SOS2: variants seen among roughly 807,000 people sequenced by gnomAD.
SOS2 encodes SOS Ras/Rho guanine nucleotide exchange factor 2.
Under a neutral mutation model 148.2 loss-of-function variants are expected in SOS2, and 65 were observed. The observed-to-expected ratio is 0.44, with a 90% CI of 0.36 to 0.54. The LOEUF is 0.54. SOS2 is among the 20% of genes least tolerant of loss of function. SOS2 has a pLI of 0.00. For missense variants in SOS2, 1,341 were observed against 1,590.2 expected (o/e 0.84, Z 2.67); for synonymous variants, 539 against 537.1 (o/e 1.00, Z -0.05).
At chr14:50,193,831 G>T (rs976540017) in intron 4 of SOS2, among the ~76,000 whole-genome samples, 1 of 150,974 alleles carries the variant, frequency 6.6e-6, no homozygotes, top group African/African-American at 2.4e-5. Context: ...TGCAACCTCC[G>T]CCTCCCAGGT....
chr14:50,138,808 T>A (rs1239466341), intron 17 of SOS2, 24 bp from the exon 18 acceptor site: 3 of 753,226 alleles, frequency 4.0e-6, no homozygotes, highest in South Asian at 2.3e-5. Flanking sequence ...AAAAAGAATT[T>A]AAAGAAAAGT....
intron 8 of SOS2, among the ~76,000 whole-genome samples, chr14:50,169,074 G>A (rs1457083882): frequency 1.3e-5 from 2 of 152,114 alleles, no homozygotes. Context: ...CAGTTTGGGA[G>A]GCCAAGGCAG....
intron 12 of SOS2, among the ~76,000 whole-genome samples, chr14:50,155,725 A>C (rs1223791854): frequency 1.3e-5 from 2 of 152,208 alleles, no homozygotes; most frequent in Non-Finnish European, 2.9e-5. Context: ...TTATAAGTAC[A>C]GGACTGAGAA....
chr14:50,188,425 T>C, intron 5 of SOS2, 72 bp downstream of exon 5: 8 of 981,388 alleles, frequency 8.2e-6, no homozygotes, highest in Non-Finnish European at 1.2e-5. Flanking sequence ...TAAAAAAAAG[T>C]GACTATTTAT....
chr14:50,149,013 G>A (rs1212620878), intron 14 of SOS2, among the ~76,000 whole-genome samples: 2 of 152,206 alleles, frequency 1.3e-5, no homozygotes, highest in East Asian at 1.9e-4. Flanking sequence ...TCAGCCTCCT[G>A]GGCAACTGGG....
intron 8 of SOS2, among the ~76,000 whole-genome samples, chr14:50,169,141 G>A (rs980111913): frequency 9.4e-5 from 14 of 148,484 alleles, no homozygotes; most frequent in East Asian, 2.0e-4. Context: ...GTGAAACCCC[G>A]TCTCTACTAA....
intron 14 of SOS2, among the ~76,000 whole-genome samples, chr14:50,147,865 TAATCCCAGCACCTGGGAGGCCAAGGC>T (rs1884539571): frequency 6.6e-6 from 1 of 151,956 alleles, no homozygotes; most frequent in Non-Finnish European, 1.5e-5. Context: ...CTCACACCTG[TAATCCCAGCACCTGGGAGGCCAAGGC>T]AGGAGGACTG....
chr14:50,140,084 T>A, intron 16 of SOS2, 25 bp from the exon 17 acceptor site: 1 of 1,089,908 alleles, frequency 9.2e-7, no homozygotes, highest in Non-Finnish European at 1.4e-6. Flanking sequence ...AAATTGAGTA[T>A]AAATTTTTTA....
At chr14:50,149,922 T>A (rs1340183980) in intron 14 of SOS2, 86 bp downstream of exon 14, 2 of 962,624 alleles carry the variant, frequency 2.1e-6, no homozygotes, top group Non-Finnish European at 3.3e-6. Flanking sequence ...TTTTAAGCAC[T>A]CATGAATAAT....
At chr14:50,147,146 TG>T (rs1169549988) in intron 14 of SOS2, among the ~76,000 whole-genome samples, 2 of 151,396 alleles carry the variant, frequency 1.3e-5, no homozygotes, top group African/African-American at 4.9e-5. Context: ...CAATGAGCTA[TG>T]ATCATGCCAC....
chr14:50,133,552 T>C (rs1197334363), intron 19 of SOS2, among the ~76,000 whole-genome samples: 2 of 152,220 alleles, frequency 1.3e-5, no homozygotes, highest in Admixed American at 1.3e-4. Context: ...GAAGATGAGA[T>C]AGCATGAAAC....
chr14:50,124,129 T>A (rs1883611237), intron 21 of SOS2, among the ~76,000 whole-genome samples: 1 of 152,154 alleles, frequency 6.6e-6, no homozygotes, highest in Non-Finnish European at 1.5e-5. Context: ...GGTAATTAAA[T>A]ATATGAGTCT....
intron 5 of SOS2, among the ~76,000 whole-genome samples, chr14:50,183,598 T>C (rs17122271): frequency 0.012 from 1,784 of 152,294 alleles, 38 homozygotes; most frequent in African/African-American, 0.04. Flanking sequence ...AAGCTACTTT[T>C]TACATAAAGA....
At chr14:50,189,419 T>C (rs1886048364) in intron 4 of SOS2, among the ~76,000 whole-genome samples, 1 of 150,086 alleles carries the variant, frequency 6.7e-6, no homozygotes. Flanking sequence ...ACTATGATTA[T>C]GAACACATTT....
At position 50,150,827 on chromosome 14, in the gene SOS2, A is replaced by C. The variant is rs574429011; in HGVS notation, c.2162-597T>G. On this transcript the variant is annotated intron_variant, in intron 13 of 22. Coordinates refer to ENST00000216373, the MANE Select transcript of SOS2 (RefSeq NM_006939.4). ...AACCTCCACCTCCCGGGTTCAAGCG[A>C]TTCTCCTGCCTCAGCCTCCTGAGTA... 1.6e-4 allele frequency among the ~76,000 whole-genome samples: 24 copies of C among 152,176 alleles called. No homozygotes were observed. In the East Asian group the frequency reaches 4.4e-3, roughly 28 times the overall value.
intron 22 of SOS2, among the ~76,000 whole-genome samples, chr14:50,119,843 C>G (rs1156904819): frequency 3.0e-5 from 3 of 101,164 alleles, no homozygotes; most frequent in African/African-American, 1.2e-4. Flanking sequence ...AAGAGTTTTG[C>G]AATTGTTGCC....
At chr14:50,150,310 AC>A in intron 13 of SOS2, 80 bp from the exon 14 acceptor site, 1 of 996,830 alleles carries the variant, frequency 1.0e-6, no homozygotes. Context: ...CTTAACTTTC[AC>A]CCAGCCTCAA....
chr14:50,212,005 T>C (rs746492274), intron 1 of SOS2, among the ~76,000 whole-genome samples: 23 of 152,246 alleles, frequency 1.5e-4, no homozygotes, highest in Non-Finnish European at 3.2e-4. Flanking sequence ...CTACATAAAA[T>C]GTGGATGCAC....
intron 21 of SOS2, among the ~76,000 whole-genome samples, chr14:50,125,329 T>G (rs906094465): frequency 6.6e-6 from 1 of 152,210 alleles, no homozygotes; most frequent in Non-Finnish European, 1.5e-5. Flanking sequence ...TCTCCAAGTT[T>G]CAGAGTAAAC....
Sources: gnomAD v4.1 joint callset for allele counts (sites outside exome capture counted in the v4.1 genomes callset) on GRCh38, gnomAD v4.1.1 for gene constraint, MANE v1.5 for transcripts, NCBI Gene and HGNC (gene_info 2026-07-23, HGNC 2026-07-21) for gene names.